The following TMEM135 variants were observed in gnomAD, a reference collection of about 807,000 sequenced individuals.
TMEM135 encodes the protein transmembrane protein 135.
A neutral mutation model predicts 60.3 loss-of-function variants in TMEM135; 30 were observed. That is an observed-to-expected ratio of 0.50 (90% CI 0.37 to 0.68). The LOEUF is 0.68. Among genes scored for constraint, TMEM135 ranks in the 30% least tolerant of loss-of-function variants. The probability of loss-of-function intolerance (pLI) is 0.00; values close to 1 mark genes in which losing one functional copy is unlikely to be tolerated. For synonymous variants in TMEM135, 190 were observed against 186.7 expected, an observed-to-expected ratio of 1.02 and a Z score of -0.14; for missense variants, 468 against 548.8, an observed-to-expected ratio of 0.85 and a Z score of 1.47.
chr11:87,112,761 C>T (rs1857786904), intron 4 of TMEM135, among the ~76,000 whole-genome samples: 1 of 150,878 alleles, frequency 6.6e-6, no homozygotes, highest in Non-Finnish European at 1.5e-5. Context: ...TAGCATGATA[C>T]AGGTTCTTAT....
rs186628804 is a variant in TMEM135 at position 87,088,960 on chromosome 11, C to T, written c.363-2402C>T. 2.9e-3 allele frequency among the ~76,000 whole-genome samples: 441 copies of T among 152,282 alleles called. 2 individuals carry two copies. Among genetic ancestry groups the T allele is most frequent in the Middle Eastern group, 0.01 (3 of 294 alleles). On this transcript the variant is annotated intron_variant, in intron 3 of 14. Transcript: ENST00000305494. ...GAAAATTTCACATTTAAGTACTGAA[C>T]ACAAACTTTGTTTCATGCACAAAAT...
rs776596156 is a variant in TMEM135, at chr11:87,313,438, T to G, written c.950T>G (p.Phe317Cys). The G allele has an allele frequency of 2.4e-5, 39 of 1,611,058 alleles. No homozygotes were observed. The highest frequency in any genetic ancestry group is 3.3e-5 in the Admixed American group (2 of 59,842). ...CTCCTTAACTAGGGTACTAGTTGCT[T>G]CCTGCGCTGGATCAGAAACTTAGAT... ...FVSIYKGTSC[F>C]LRWIRNLDDE... The change falls in exon 11 of 15, where the codon TTC (phenylalanine) becomes TGC (cysteine). Residue 317 changes from phenylalanine to cysteine, a missense_variant. By Grantham distance (205) the Phe-to-Cys change is radical. Transcript: ENST00000305494.
chr11:87,059,816 C>G (rs1949929249), intron 1 of TMEM135, among the ~76,000 whole-genome samples: 1 of 152,194 alleles, frequency 6.6e-6, no homozygotes, highest in Admixed American at 6.5e-5. Context: ...ATAAAAAGTA[C>G]TTATTAACAG....
chr11:87,268,265 A>C (rs1941793235), intron 6 of TMEM135, among the ~76,000 whole-genome samples: 1 of 61,950 alleles, frequency 1.6e-5, no homozygotes, highest in African/African-American at 4.9e-5. Context: ...ATATTTATTT[A>C]TTTATTTATT....
At chr11:87,051,117 C>G (rs1231030210) in intron 1 of TMEM135, among the ~76,000 whole-genome samples, 1 of 77,572 alleles carries the variant, frequency 1.3e-5, no homozygotes, top group Non-Finnish European at 2.2e-5. Context: ...ATTCAACAAC[C>G]CTTCATGCTA....
At chr11:87,160,781 T>G (rs1038065322) in intron 5 of TMEM135, among the ~76,000 whole-genome samples, 1 of 152,202 alleles carries the variant, frequency 6.6e-6, no homozygotes, top group African/African-American at 2.4e-5. Flanking sequence ...CCTTCACAAA[T>G]CTATTACCTC....
chr11:87,111,248 G>A (rs2168467), intron 4 of TMEM135, among the ~76,000 whole-genome samples: 83,409 of 151,768 alleles, frequency 0.55, 23,738 homozygotes, highest in East Asian at 0.71. Context: ...GGATTTTTTT[G>A]TTTCACATCT....
intron 5 of TMEM135, among the ~76,000 whole-genome samples, chr11:87,200,160 T>C (rs150283575): frequency 2.1e-4 from 32 of 152,240 alleles, no homozygotes; most frequent in Non-Finnish European, 4.1e-4. Flanking sequence ...AAAATAATAA[T>C]TTAAAATTAT....
At chr11:87,105,849 T>G (rs1340836312) in intron 4 of TMEM135, among the ~76,000 whole-genome samples, 1 of 152,186 alleles carries the variant, frequency 6.6e-6, no homozygotes, top group Non-Finnish European at 1.5e-5. Flanking sequence ...TCACTCACCC[T>G]ACTGTGCTAT....
At chr11:87,232,274 A>G (rs1424761044) in intron 5 of TMEM135, among the ~76,000 whole-genome samples, 6 of 151,996 alleles carry the variant, frequency 3.9e-5, no homozygotes, top group Non-Finnish European at 7.4e-5. Flanking sequence ...TTCTTTTTTA[A>G]TCACCAAATA....
At chr11:87,270,641 A>G (rs1014038270) in intron 6 of TMEM135, among the ~76,000 whole-genome samples, 1 of 152,134 alleles carries the variant, frequency 6.6e-6, no homozygotes, top group African/African-American at 2.4e-5. Context: ...TGTCATATTT[A>G]CTTTTTCCTC....
At chr11:87,244,428 A>T (rs1429836253) in intron 6 of TMEM135, among the ~76,000 whole-genome samples, 1 of 82,828 alleles carries the variant, frequency 1.2e-5, no homozygotes, top group Admixed American at 1.0e-4. Flanking sequence ...AAGGAATGGT[A>T]CCAGTTCCTC....
At chr11:87,073,191 C>T (rs745403315) in intron 3 of TMEM135, among the ~76,000 whole-genome samples, 14 of 152,066 alleles carry the variant, frequency 9.2e-5, no homozygotes, top group South Asian at 2.1e-4. Context: ...CGTGCCACCA[C>T]GCCCAGCTAA....
intron 5 of TMEM135, among the ~76,000 whole-genome samples, chr11:87,219,653 A>G (rs1213272992): frequency 3.3e-5 from 5 of 152,174 alleles, no homozygotes; most frequent in African/African-American, 9.7e-5. Context: ...CCTAACAGCC[A>G]TCTCTTCAAA....
chr11:87,102,813 T>A (rs1857494456), intron 4 of TMEM135, among the ~76,000 whole-genome samples: 1 of 151,142 alleles, frequency 6.6e-6, no homozygotes, highest in Non-Finnish European at 1.5e-5. Context: ...CATTTGAAAT[T>A]TACTCTTAGC....
chr11:87,239,684 A>C (rs1432868889), intron 6 of TMEM135, among the ~76,000 whole-genome samples: 1 of 151,752 alleles, frequency 6.6e-6, no homozygotes, highest in Non-Finnish European at 1.5e-5. Flanking sequence ...TTTTTATCCT[A>C]ATCTGTGAAT....
chr11:87,245,052 C>G (rs1941233567), intron 6 of TMEM135, among the ~76,000 whole-genome samples: 1 of 139,800 alleles, frequency 7.2e-6, no homozygotes. Context: ...TATGTTGTAT[C>G]TTTGTTCTCC....
chr11:87,154,096 T>A (rs909593514), intron 4 of TMEM135, among the ~76,000 whole-genome samples: 7 of 152,220 alleles, frequency 4.6e-5, no homozygotes, highest in African/African-American at 1.7e-4. Context: ...AACTTTGTCA[T>A]TAAACTGAAA....
At chr11:87,265,737 T>A (rs1471317382) in intron 6 of TMEM135, among the ~76,000 whole-genome samples, 1 of 152,104 alleles carries the variant, frequency 6.6e-6, no homozygotes, top group Non-Finnish European at 1.5e-5. Context: ...ATCTCTGAGA[T>A]AAAAACAGGA....
Sources: gnomAD v4.1 joint callset for allele counts (sites outside exome capture counted in the v4.1 genomes callset) on GRCh38, gnomAD v4.1.1 for gene constraint, MANE v1.5 for transcripts, NCBI Gene and HGNC (gene_info 2026-07-23, HGNC 2026-07-21) for gene names.